The following ADGB variants were observed in gnomAD, a reference collection of about 807,000 sequenced individuals.
ADGB encodes calpain-7-like protein.
In ADGB, 172 loss-of-function variants were observed where a neutral mutation model predicts 210.5. The observed-to-expected ratio is 0.82, with a 90% CI of 0.72 to 0.93. The LOEUF (loss-of-function observed/expected upper bound fraction) is 0.93. Ranked by LOEUF, ADGB falls within the 40% of genes least tolerant of loss-of-function variation. The pLI is 0.00. For synonymous variants in ADGB, 658 were observed against 662.7 expected (o/e 0.99, Z 0.11); for missense variants, 2,025 against 1,964.8 (o/e 1.03, Z -0.58).
intron 27 of ADGB, among the ~76,000 whole-genome samples, chr6:146,753,533 T>G (rs989612080): frequency 2.0e-5 from 3 of 151,932 alleles, no homozygotes; most frequent in African/African-American, 7.2e-5. Flanking sequence ...CTTGGGACAT[T>G]TATCATTAAT....
chr6:146,603,157 G>A (rs1198036703), intron 1 of ADGB, among the ~76,000 whole-genome samples: 2 of 152,144 alleles, frequency 1.3e-5, no homozygotes, highest in Non-Finnish European at 2.9e-5. Flanking sequence ...TTTTGGGAGA[G>A]GAGACACAGA....
chr6:146,652,062 A>G (rs1018251020), intron 3 of ADGB, among the ~76,000 whole-genome samples: 1 of 152,266 alleles, frequency 6.6e-6, no homozygotes, highest in African/African-American at 2.4e-5. Context: ...TGAGCATTGA[A>G]TGTGTTGAAT....
intron 3 of ADGB, among the ~76,000 whole-genome samples, chr6:146,653,144 T>C (rs988414921): frequency 2.0e-5 from 3 of 151,984 alleles, no homozygotes; most frequent in Non-Finnish European, 4.4e-5. Context: ...ATGCTCCTTA[T>C]GAGAATCTAA....
chr6:146,789,848 G>C (rs1002299154), intron 33 of ADGB, among the ~76,000 whole-genome samples: 3 of 152,152 alleles, frequency 2.0e-5, no homozygotes, highest in African/African-American at 7.2e-5. Context: ...GCAGGAAACT[G>C]ATGCAGTTTG....
intron 29 of ADGB, among the ~76,000 whole-genome samples, chr6:146,775,453 T>A (rs1178655341): frequency 6.6e-6 from 1 of 152,146 alleles, no homozygotes; most frequent in East Asian, 1.9e-4. Flanking sequence ...ACTGAGATGG[T>A]TCATGGTCAC....
intron 25 of ADGB, among the ~76,000 whole-genome samples, chr6:146,742,805 C>T (rs761226761): frequency 2.0e-4 from 30 of 152,158 alleles, no homozygotes; most frequent in Non-Finnish European, 3.7e-4. Flanking sequence ...CCATAGGCTG[C>T]GTGCTGCCCA....
intron 31 of ADGB, 116 bp downstream of exon 31, chr6:146,784,910 A>G: frequency 1.9e-6 from 2 of 1,055,680 alleles, no homozygotes; most frequent in Non-Finnish European, 2.7e-6. Context: ...GGTATCTGAA[A>G]TTTTATCAGA....
At chr6:146,611,223 T>C (rs1242727032) in intron 1 of ADGB, among the ~76,000 whole-genome samples, 2 of 151,830 alleles carry the variant, frequency 1.3e-5, no homozygotes, top group African/African-American at 2.4e-5. Flanking sequence ...TGCAAGCAGG[T>C]GAGGCCGGGC....
intron 1 of ADGB, among the ~76,000 whole-genome samples, chr6:146,632,752 C>G (rs555945615): frequency 6.6e-6 from 1 of 152,152 alleles, no homozygotes; most frequent in African/African-American, 2.4e-5. Flanking sequence ...GCCCTAGGTC[C>G]CTGACTTTCC....
rs1343796125 is a variant in ADGB at position 146,635,461 on chromosome 6, C to G, written c.161C>G (p.Ala54Gly). The change falls in exon 2 of 36, where the codon GCT becomes GGT. Residue 54 changes from alanine to glycine, a missense_variant. Physicochemically the swap from Ala to Gly is moderately conservative, Grantham distance 60 (BLOSUM62 0). Coordinates refer to ENST00000397944, the MANE Select transcript of ADGB (RefSeq NM_024694.4). ...KFPLWPEWSE[A>G]DINSEKWDAG... is the part of the protein sequence containing the mutation. Reference sequence around the variant, plus strand: ...CCACTCTGGCCAGAGTGGAGTGAAGCTGACATAAATTCAGAAAAGTGGGAT... The same window carrying G: ...CCACTCTGGCCAGAGTGGAGTGAAGGTGACATAAATTCAGAAAAGTGGGAT... 5.2e-6 allele frequency: 8 copies of G among 1,547,618 alleles called. No individual in the cohort carries two copies. The highest frequency in any genetic ancestry group is 1.4e-5 in the African/African-American group (1 of 72,666).
At chr6:146,808,167 CTT>C (rs980790616) in intron 35 of ADGB, among the ~76,000 whole-genome samples, 2 of 151,768 alleles carry the variant, frequency 1.3e-5, no homozygotes, top group African/African-American at 2.4e-5. Context: ...ACCCTGCTAA[CTT>C]TTGTATTTTT....
At chr6:146,605,643 G>T (rs528252618) in intron 1 of ADGB, among the ~76,000 whole-genome samples, 1 of 152,276 alleles carries the variant, frequency 6.6e-6, no homozygotes, top group South Asian at 2.1e-4. Context: ...GGACAGCCCA[G>T]AGGGAAAAGG....
At chr6:146,655,653 T>C (rs922496271) in intron 4 of ADGB, among the ~76,000 whole-genome samples, 2 of 152,204 alleles carry the variant, frequency 1.3e-5, no homozygotes, top group African/African-American at 4.8e-5. Context: ...TACATATTAG[T>C]ATAAAATTAT....
At chr6:146,789,379 A>C (rs1034410403) in intron 33 of ADGB, among the ~76,000 whole-genome samples, 3 of 152,184 alleles carry the variant, frequency 2.0e-5, no homozygotes, top group Non-Finnish European at 4.4e-5. Flanking sequence ...CAATAGTATA[A>C]TCTTACTCTA....
At chr6:146,748,460 T>C (rs1280773905) in intron 26 of ADGB, among the ~76,000 whole-genome samples, 1 of 152,174 alleles carries the variant, frequency 6.6e-6, no homozygotes, top group East Asian at 1.9e-4. Context: ...AGAGAACCTG[T>C]TTCGTGACTT....
At chr6:146,794,585 T>A (rs1223984271) in intron 33 of ADGB, among the ~76,000 whole-genome samples, 2 of 152,134 alleles carry the variant, frequency 1.3e-5, no homozygotes, top group Non-Finnish European at 2.9e-5. Flanking sequence ...TATTAAATAT[T>A]ACTGTGGCCT....
chr6:146,616,670 A>G (rs1366729819), intron 1 of ADGB, among the ~76,000 whole-genome samples: 2 of 152,086 alleles, frequency 1.3e-5, no homozygotes, highest in African/African-American at 4.8e-5. Context: ...CCCCAGTACC[A>G]TTTATTAAAA....
intron 13 of ADGB, among the ~76,000 whole-genome samples, chr6:146,712,439 G>A (rs1182887253): frequency 2.0e-5 from 3 of 151,860 alleles, no homozygotes; most frequent in Admixed American, 6.6e-5. Flanking sequence ...CACCCACCTC[G>A]GCCTCCCAAA....
Position 146,644,916 on chromosome 6 carries a change from T to G in ADGB, c.330+51T>G, listed in dbSNP as rs1287847935. ...AAATACTTACTATGTGGATGTATTA[T>G]CCTACTGATAAAAATTTGCATTTTT... On this transcript the variant is annotated intron_variant, in intron 3 of 35. Transcript: ENST00000397944. 6 of 1,134,316 alleles carry G rather than the reference T, an allele frequency of 5.3e-6. No individual in the cohort carries two copies. The South Asian group carries it at 5.4e-5, about 10-fold the overall frequency. The allele number at this position is 1,134,316 out of a possible 1,614,324, so 70.3% of individuals were successfully genotyped here. A position where few individuals can be genotyped will look rare whatever the true frequency, so the allele number is the denominator to read the frequency against.
Sources: gnomAD v4.1 joint callset for allele counts (sites outside exome capture counted in the v4.1 genomes callset) on GRCh38, gnomAD v4.1.1 for gene constraint, MANE v1.5 for transcripts, NCBI Gene and HGNC (gene_info 2026-07-23, HGNC 2026-07-21) for gene names.